OTOP2: variants seen among roughly 807,000 people sequenced by gnomAD.
OTOP2 encodes the protein proton channel OTOP2.
OTOP2 carries 41 observed loss-of-function variants against 47.4 expected under a neutral mutation model. That is an observed-to-expected ratio of 0.87 (90% CI 0.67 to 1.12). The LOEUF (loss-of-function observed/expected upper bound fraction) is 1.12. Ranked by LOEUF, OTOP2 falls within the 50% of genes most tolerant of loss-of-function variation. The pLI is 0.00. For missense variants in OTOP2, 721 were observed against 752.2 expected (o/e 0.96, Z 0.49); for synonymous variants, 328 against 319.6 (o/e 1.03, Z -0.28).
intron 4 of OTOP2, 153 bp from the exon 5 acceptor site, chr17:74,927,512 C>A: frequency 8.5e-7 from 1 of 1,170,414 alleles, no homozygotes; most frequent in Non-Finnish European, 1.2e-6. Flanking sequence ...TCTTTGGTGG[C>A]ATACCAGCCA....
rs1295354587 is a variant in OTOP2 at position 74,924,962 on chromosome 17, G to GGGC, written c.313+19_313+21dup. On this transcript the variant is annotated intron_variant, in intron 2 of 6. Transcript: ENST00000331427. The surrounding 1 kb of genome is among the most constrained non-coding windows in gnomAD (Gnocchi z 7.7). ...GGCTCCGAGGTGCCAGGGGAGGTGG[G>GGGC]GGCGAGGTAGGGTGGGCACAACAGG... 6.5e-7 allele frequency: 1 copy of GGGC among 1,535,826 alleles called. No homozygotes were observed. The highest frequency in any genetic ancestry group is 8.8e-7 in the Non-Finnish European group (1 of 1,138,692).
intron 5 of OTOP2, among the ~76,000 whole-genome samples, chr17:74,929,314 C>G (rs1013164479): frequency 3.3e-5 from 5 of 152,028 alleles, no homozygotes; most frequent in African/African-American, 1.2e-4. Context: ...TTTAGAGGTT[C>G]CCAAGAGAGC....
At position 74,933,015 on chromosome 17, in the gene OTOP2, C is replaced by T. The variant is rs573509332; in HGVS notation, c.1519-360C>T. Among the ~76,000 whole-genome samples the T allele has an allele frequency of 8.6e-5, 13 of 151,572 alleles. 1 individual carries two copies. In the East Asian group the frequency reaches 2.1e-3, roughly 25 times the overall value. On this transcript the variant is annotated intron_variant, in intron 6 of 6. Coordinates refer to ENST00000331427, the MANE Select transcript of OTOP2 (RefSeq NM_178160.3). The surrounding 1 kb of genome is among the most constrained non-coding windows in gnomAD (Gnocchi z 4.7). ...GCCACCCCCACCCCTGTGCACAAAA[C>T]CCCCCAGGACAGAGCTGCTGATTTC...
At chr17:74,927,164 G>C (rs903738887) in intron 3 of OTOP2, 59 bp from the exon 4 acceptor site, 4 of 1,443,312 alleles carry the variant, frequency 2.8e-6, no homozygotes, top group African/African-American at 1.4e-5. Flanking sequence ...GGACTTGGGT[G>C]CGCTGGAGTT....
chr17:74,929,897 G>A (rs551196915), intron 5 of OTOP2, among the ~76,000 whole-genome samples: 28 of 150,876 alleles, frequency 1.9e-4, no homozygotes, highest in African/African-American at 6.5e-4. Flanking sequence ...AAGGTCACAA[G>A]CTAGGCTGGG....
chr17:74,933,063 G>A lies in OTOP2; in HGVS notation c.1519-312G>A, dbSNP rs2039073700. The stretch of plus-strand genomic sequence containing the variant: ...TTCACTGTTTGTACCTCTTCTTCTA[G>A]AGAAACCTCTTCTCCCCTCCCCAAT... On this transcript the variant is annotated intron_variant, in intron 6 of 6. Transcript: ENST00000331427. This position sits in a 1 kb window ranked among gnomAD's most constrained non-coding sequence, Gnocchi z 4.7. 6.6e-6 allele frequency among the ~76,000 whole-genome samples: 1 copy of A among 151,576 alleles called. No homozygotes were observed. Among genetic ancestry groups the A allele is most frequent in the Non-Finnish European group, 1.5e-5 (1 of 67,972 alleles).
At chr17:74,932,471 TA>T (rs545456493) in intron 6 of OTOP2, among the ~76,000 whole-genome samples, 3 of 151,902 alleles carry the variant, frequency 2.0e-5, no homozygotes, top group Admixed American at 6.6e-5. Flanking sequence ...CAATTTCACT[TA>T]AAAAAAATGT....
At chr17:74,928,025 C>G (rs187915989) in intron 5 of OTOP2, 6 of 559,114 alleles carry the variant, frequency 1.1e-5, no homozygotes, top group South Asian at 4.9e-5. Flanking sequence ...CCCAGGCCCC[C>G]CTGTCCAGTC....
At chr17:74,927,927 C>T (rs1309483095) in intron 5 of OTOP2, 129 bp downstream of exon 5, 2 of 1,264,734 alleles carry the variant, frequency 1.6e-6, no homozygotes, top group Non-Finnish European at 2.1e-6. Flanking sequence ...GGGTCCTCCT[C>T]CTGTTGCAGG....
intron 5 of OTOP2, among the ~76,000 whole-genome samples, chr17:74,928,277 C>T (rs1031985697): frequency 6.6e-6 from 1 of 151,758 alleles, no homozygotes; most frequent in Non-Finnish European, 1.5e-5. Context: ...CCTGGGAGGT[C>T]GAGACTGCAG....
Position 74,930,985 on chromosome 17 carries a change from C to A in OTOP2, c.1350C>A (p.Asn450Lys). 2 of 1,614,206 alleles carry A rather than the reference C, an allele frequency of 1.2e-6. No individual in the cohort carries two copies. The highest frequency in any genetic ancestry group is 1.7e-6 in the Non-Finnish European group (2 of 1,180,046). Residue 450 changes from asparagine to lysine, a missense_variant, in exon 6 of 7, where the codon AAC becomes AAA. By Grantham distance (94) the Asn-to-Lys change is moderately conservative (BLOSUM62 0). Transcript: ENST00000331427. The surrounding 1 kb of genome is among the most constrained non-coding windows in gnomAD (Gnocchi z 4.0). ...KEPCQDLTFT[N>K]LDALHTLSAC... is the part of the protein sequence containing the mutation. Reference sequence around the variant, plus strand: ...CCTGCCAAGACCTCACCTTCACCAACCTGGATGCCCTCCACACGTTGTCCG... The same window carrying A: ...CCTGCCAAGACCTCACCTTCACCAAACTGGATGCCCTCCACACGTTGTCCG...
intron 3 of OTOP2, 73 bp downstream of exon 3, chr17:74,925,765 TC>T: frequency 6.3e-7 from 1 of 1,593,972 alleles, no homozygotes; most frequent in Admixed American, 1.7e-5. Context: ...CAACAAGGGG[TC>T]GGAGACCTGA....
chr17:74,927,941 T>C, intron 5 of OTOP2, 143 bp downstream of exon 5: 1 of 1,146,962 alleles, frequency 8.7e-7, no homozygotes, highest in African/African-American at 1.6e-5. Flanking sequence ...TTGCAGGATC[T>C]ACCTCTGCAG....
chr17:74,925,556 G>A lies in OTOP2; in HGVS notation c.314G>A (p.Gly105Asp). ...CCACCCACCCACCCCTGGTTTCCAG[G>A]TGGGCTGGTGCTGTTTGGAATCTGC... Reference protein sequence around the residue: ...DAHAGPIWLRGGLVLFGICTL... With the variant: ...DAHAGPIWLRDGLVLFGICTL... Residue 105 changes from glycine to aspartate, a missense_variant and splice_region_variant, in exon 3 of 7, where the codon GGT becomes GAT. Gly to Asp is a moderately conservative substitution (Grantham distance 94, BLOSUM62 -1). Transcript: ENST00000331427. 6.2e-7 allele frequency: 1 copy of A among 1,613,664 alleles called. No individual in the cohort carries two copies. The highest frequency in any genetic ancestry group is 8.5e-7 in the Non-Finnish European group (1 of 1,179,744).
In OTOP2 at chr17:74,924,904, T is replaced by C; in HGVS notation, c.272T>C (p.Val91Ala). 1 of 1,591,032 alleles carries C rather than the reference T, an allele frequency of 6.3e-7. No homozygotes were observed. Among genetic ancestry groups the C allele is most frequent in the Non-Finnish European group, 8.6e-7 (1 of 1,169,474 alleles). Reference protein sequence around the residue: ...LLRTVRCPCAVPYRDAHAGPI... With the variant: ...LLRTVRCPCAAPYRDAHAGPI... ...CGAACCGTGCGCTGCCCCTGCGCGG[T>C]ACCCTACCGGGACGCGCACGCTGGC... Residue 91 changes from valine (V) to alanine (A), a missense_variant, in exon 2 of 7, where the codon GTA becomes GCA. Physicochemically the swap from Val to Ala is moderately conservative, Grantham distance 64. Transcript: ENST00000331427. The surrounding 1 kb of genome is among the most constrained non-coding windows in gnomAD (Gnocchi z 7.7).
At position 74,930,594 on chromosome 17, in the gene OTOP2, G is replaced by A. The variant is rs761978643; in HGVS notation, c.959G>A (p.Arg320His). 86 of 1,613,780 alleles carry A rather than the reference G, an allele frequency of 5.3e-5. No homozygotes were observed. Among genetic ancestry groups the A allele is most frequent in the East Asian group, 1.1e-4 (5 of 44,884 alleles). Reference protein sequence around the residue: ...YEVQVSGDGSRTRQALVIYYS... With the variant: ...YEVQVSGDGSHTRQALVIYYS... ...GTTCAAGTGAGCGGGGACGGGAGCCGCACCAGGCAGGCCCTGGTCATCTAC... is the reference window on the plus strand; with the variant it reads ...GTTCAAGTGAGCGGGGACGGGAGCCACACCAGGCAGGCCCTGGTCATCTAC... The change falls in exon 6 of 7, where the codon CGC becomes CAC. Residue 320 changes from arginine (R) to histidine (H), a missense_variant. Coordinates refer to ENST00000331427, the MANE Select transcript of OTOP2 (RefSeq NM_178160.3). The surrounding 1 kb of genome is among the most constrained non-coding windows in gnomAD (Gnocchi z 4.0).
At position 74,931,420 on chromosome 17, in the gene OTOP2, G is replaced by A. The variant is rs538331767; in HGVS notation, c.1518+267G>A. Among the ~76,000 whole-genome samples the A allele has an allele frequency of 3.3e-5, 5 of 152,344 alleles. No homozygotes were observed. The South Asian group carries it at 8.3e-4, about 25-fold the overall frequency. Reference sequence around the variant, plus strand: ...AAGGGTCCCAGGGAAGGTTGACACAGGGGCTGGGCAGAGGTGAGAGGGAGC... The same window carrying A: ...AAGGGTCCCAGGGAAGGTTGACACAAGGGCTGGGCAGAGGTGAGAGGGAGC... On this transcript the variant is annotated intron_variant, in intron 6 of 6. Transcript: ENST00000331427.
At chr17:74,929,634 C>A (rs1024258804) in intron 5 of OTOP2, among the ~76,000 whole-genome samples, 6 of 152,002 alleles carry the variant, frequency 3.9e-5, no homozygotes, top group Admixed American at 3.9e-4. Flanking sequence ...CCGTGTTGGC[C>A]AGGCTGGCCT....
chr17:74,931,215 C>T, intron 6 of OTOP2, 62 bp downstream of exon 6: 2 of 1,527,774 alleles, frequency 1.3e-6, no homozygotes, highest in Admixed American at 2.0e-5. Context: ...GATGCTCTTG[C>T]AGGCTTAAGC....
Sources: gnomAD v4.1 joint callset for allele counts (sites outside exome capture counted in the v4.1 genomes callset) on GRCh38, gnomAD v4.1.1 for gene constraint, Gnocchi (gnomAD v3.1) non-coding constraint, MANE v1.5 for transcripts, NCBI Gene and HGNC (gene_info 2026-07-23, HGNC 2026-07-21) for gene names.